Variants in COBLL1 observed in about 807,000 individuals in gnomAD.
COBLL1 encodes the protein cordon-bleu protein-like 1.
A neutral mutation model predicts 94.8 loss-of-function variants in COBLL1; 50 were observed. The ratio of observed to expected loss-of-function variants is 0.53; its 90% CI spans 0.42 to 0.67. The LOEUF (loss-of-function observed/expected upper bound fraction) is 0.67, where lower values mean the gene tolerates loss of function less well. Among genes scored for constraint, COBLL1 ranks in the 30% least tolerant of loss-of-function variants. COBLL1 has a pLI of 0.00. For missense variants in COBLL1, 1,362 were observed against 1,348.7 expected, an observed-to-expected ratio of 1.01 and a Z score of -0.15; for synonymous variants, 448 against 473.8, an observed-to-expected ratio of 0.95 and a Z score of 0.71.
At chr2:164,747,586 C>A (rs1384154303) in intron 2 of COBLL1, among the ~76,000 whole-genome samples, 1 of 152,090 alleles carries the variant, frequency 6.6e-6, no homozygotes, top group Admixed American at 6.6e-5. Context: ...CAGGTTCAAG[C>A]GATTCTTGTG....
downstream of COBLL1, among the ~76,000 whole-genome samples, chr2:164,677,208 T>A (rs2105390993): frequency 6.6e-6 from 1 of 152,236 alleles, no homozygotes; most frequent in Non-Finnish European, 1.5e-5. Flanking sequence ...CTTACTATTA[T>A]TTATCTGTGC....
Position 164,685,775 on chromosome 2 carries a change from A to G in COBLL1, c.*171T>C. On this transcript the variant is annotated 3_prime_UTR_variant, in exon 14 of 14. Transcript: ENST00000652658. ...AAAAAAGATCAAAAAATTACTATAA[A>G]TTATAAATTCTGGTAACTTTTCTTC... The G allele has an allele frequency of 2.5e-6, 1 of 402,488 alleles. No homozygotes were observed. Among genetic ancestry groups the G allele is most frequent in the Non-Finnish European group, 4.4e-6 (1 of 225,586 alleles). 24.9% of individuals were successfully genotyped at this position (402,488 alleles called of 1,614,324 possible).
chr2:164,762,811 C>T (rs1687748080), intron 2 of COBLL1, among the ~76,000 whole-genome samples: 1 of 151,860 alleles, frequency 6.6e-6, no homozygotes, highest in African/African-American at 2.4e-5. Context: ...ATTCTCCTGC[C>T]TCAGCCTCCC....
chr2:164,789,020 AACACACACACACACACACACAC>A (rs56773751), intron 2 of COBLL1, among the ~76,000 whole-genome samples: 1 of 141,564 alleles, frequency 7.1e-6, no homozygotes, highest in African/African-American at 2.6e-5. Flanking sequence ...TAGAGGTTTA[AACACACACACACACACACACAC>A]ACACACACAC....
At chr2:164,825,496 A>T (rs1175514787) in intron 2 of COBLL1, among the ~76,000 whole-genome samples, 1 of 152,216 alleles carries the variant, frequency 6.6e-6, no homozygotes, top group Non-Finnish European at 1.5e-5. Context: ...TGCATTGAAA[A>T]TATTGCTGTA....
chr2:164,842,041 G>T, upstream of COBLL1: 1 of 1,532,890 alleles, frequency 6.5e-7, no homozygotes, highest in Non-Finnish European at 8.7e-7. Context: ...CAGCTCGGCG[G>T]CATTGGAGCG....
chr2:164,662,878 C>CT (rs1330972407), intron 2 of COBLL1, among the ~76,000 whole-genome samples: 7 of 152,160 alleles, frequency 4.6e-5, no homozygotes, highest in Admixed American at 2.6e-4. Context: ...TAAGCAGATG[C>CT]TGGCACCATG....
chr2:164,839,185 C>T (rs181457738), intron 2 of COBLL1, among the ~76,000 whole-genome samples: 5 of 152,198 alleles, frequency 3.3e-5, no homozygotes, highest in Admixed American at 3.3e-4. Context: ...ACAGATTTTC[C>T]CTACTTAAAT....
At chr2:164,751,707 G>T (rs930761121) in intron 2 of COBLL1, among the ~76,000 whole-genome samples, 2 of 152,020 alleles carry the variant, frequency 1.3e-5, no homozygotes, top group African/African-American at 4.8e-5. Flanking sequence ...CCCTAGCAAA[G>T]GCCACCCAAA....
intron 2 of COBLL1, among the ~76,000 whole-genome samples, chr2:164,766,621 A>G (rs1307700659): frequency 6.6e-6 from 1 of 151,838 alleles, no homozygotes; most frequent in African/African-American, 2.4e-5. Flanking sequence ...AGCCAATTAA[A>G]CCTCTTTTCT....
chr2:164,821,474 T>A (rs900006495), intron 2 of COBLL1, among the ~76,000 whole-genome samples: 1 of 152,198 alleles, frequency 6.6e-6, no homozygotes, highest in African/African-American at 2.4e-5. Context: ...GGAAATTATG[T>A]GATTACTGGA....
At chr2:164,713,213 A>G (rs1206838283) in intron 7 of COBLL1, among the ~76,000 whole-genome samples, 1 of 152,114 alleles carries the variant, frequency 6.6e-6, no homozygotes, top group African/African-American at 2.4e-5. Context: ...CACTGATGGC[A>G]TAGAAAATCT....
At chr2:164,705,687 T>C (rs1433124763) in intron 7 of COBLL1, among the ~76,000 whole-genome samples, 1 of 152,140 alleles carries the variant, frequency 6.6e-6, no homozygotes, top group Non-Finnish European at 1.5e-5. Flanking sequence ...GCTCTTTGCC[T>C]TTACCAAGAA....
rs563573129 is a variant in COBLL1, at chr2:164,833,560, C to T, written c.41+7596G>A. On this transcript the variant is annotated intron_variant, in intron 2 of 13. Transcript: ENST00000652658. ...CCGCCTCCCGGGTTCACGCCATTCT[C>T]CTGCCTCAGCCTCCCGAGTAGCTGG... Among the ~76,000 whole-genome samples, 159 of 151,914 alleles carry T rather than the reference C, an allele frequency of 1.0e-3. 2 individuals are homozygous for T. Among genetic ancestry groups the T allele is most frequent in the Middle Eastern group, 6.8e-3 (2 of 294 alleles).
chr2:164,763,475 T>C (rs1687790448), intron 2 of COBLL1, among the ~76,000 whole-genome samples: 1 of 152,184 alleles, frequency 6.6e-6, no homozygotes, highest in Non-Finnish European at 1.5e-5. Context: ...CCAATAATCC[T>C]ACTACCAGGA....
chr2:164,814,610 C>A (rs1327995659), intron 2 of COBLL1, among the ~76,000 whole-genome samples: 2 of 151,782 alleles, frequency 1.3e-5, no homozygotes, highest in African/African-American at 4.8e-5. Flanking sequence ...TTTTTTCCCA[C>A]AATAATTCAT....
chr2:164,769,857 T>C (rs1018815487), intron 2 of COBLL1, among the ~76,000 whole-genome samples: 11 of 152,170 alleles, frequency 7.2e-5, no homozygotes, highest in Non-Finnish European at 1.5e-4. Context: ...GTACAATTCC[T>C]GTATTCAAAG....
At chr2:164,745,378 T>C (rs1389221916) in intron 2 of COBLL1, among the ~76,000 whole-genome samples, 1 of 152,144 alleles carries the variant, frequency 6.6e-6, no homozygotes, top group Admixed American at 6.5e-5. Context: ...TTACAATGAA[T>C]AAAAGCTTAT....
chr2:164,800,415 G>A (rs1263203801), intron 2 of COBLL1: 4 of 580,092 alleles, frequency 6.9e-6, no homozygotes, highest in East Asian at 2.9e-5. Flanking sequence ...AAATACCAAC[G>A]ATACTATGTT....
Sources: gnomAD v4.1 joint callset for allele counts (sites outside exome capture counted in the v4.1 genomes callset) on GRCh38, gnomAD v4.1.1 for gene constraint, MANE v1.5 for transcripts, NCBI Gene and HGNC (gene_info 2026-07-23, HGNC 2026-07-21) for gene names.